Variants in TENM1 observed in about 807,000 individuals in gnomAD.
TENM1 encodes the protein teneurin transmembrane protein 1.
In TENM1, 35 loss-of-function variants were observed where a neutral mutation model predicts 174.8. The ratio of observed to expected loss-of-function variants is 0.20; its 90% confidence interval spans 0.15 to 0.27. The LOEUF is 0.27. TENM1 is among the 10% of genes least tolerant of loss of function. TENM1 has a pLI of 1.00. For missense variants in TENM1, 1,633 were observed against 2,130.1 expected, an observed-to-expected ratio of 0.77 and a Z score of 4.59; for synonymous variants, 781 against 798.7, an observed-to-expected ratio of 0.98 and a Z score of 0.37.
At chrX:124,594,289 T>C (rs2049836130) in intron 11 of TENM1, among the ~76,000 whole-genome samples, 1 of 111,367 alleles carries the variant, frequency 9.0e-6, no homozygotes, top group African/African-American at 3.3e-5. Flanking sequence ...GGATCTGGAG[T>C]GTCCTTCACA....
intron 22 of TENM1, among the ~76,000 whole-genome samples, chrX:124,459,976 A>G (rs2061151059): frequency 1.8e-5 from 2 of 112,582 alleles, no homozygotes; most frequent in African/African-American, 6.5e-5. Flanking sequence ...GCATATGAAA[A>G]AAAGCTCAAC....
chrX:124,580,908 T>C (rs1385029681), intron 11 of TENM1, among the ~76,000 whole-genome samples: 3 of 109,648 alleles, frequency 2.7e-5, no homozygotes, highest in Non-Finnish European at 5.7e-5. Context: ...CCAGTGTCTT[T>C]TGTTGCCATC....
At chrX:124,799,612 T>C (rs2055393281) in intron 3 of TENM1, among the ~76,000 whole-genome samples, 1 of 111,595 alleles carries the variant, frequency 9.0e-6, no homozygotes, top group South Asian at 3.7e-4. Context: ...TTTTGCCTGA[T>C]TACCCTGCCA....
At chrX:124,708,672 C>A (rs1163683146) in intron 4 of TENM1, among the ~76,000 whole-genome samples, 1 of 110,487 alleles carries the variant, frequency 9.1e-6, no homozygotes, top group Non-Finnish European at 1.9e-5. Context: ...CAGATATTAC[C>A]AAGCAAAAAA....
the TENM1 span, among the ~76,000 whole-genome samples, chrX:125,129,859 A>C: frequency 9.0e-6 from 1 of 111,509 alleles, no homozygotes; most frequent in Admixed American, 9.6e-5. Context: ...ATGGACACTT[A>C]GGTTGCTTCC....
chrX:124,574,152 T>C (rs1346700565), intron 11 of TENM1, among the ~76,000 whole-genome samples: 1 of 112,130 alleles, frequency 8.9e-6, no homozygotes, highest in Non-Finnish European at 1.9e-5. Flanking sequence ...TAAGTTTCTT[T>C]ATGCATGTCA....
At chrX:124,869,062 CAAAA>C (rs146594515) in intron 3 of TENM1, among the ~76,000 whole-genome samples, 1 of 52,798 alleles carries the variant, frequency 1.9e-5, no homozygotes, top group Non-Finnish European at 3.7e-5. Flanking sequence ...CCGTCTCTAC[CAAAA>C]AAAAAAAAAA....
intron 23 of TENM1, among the ~76,000 whole-genome samples, chrX:124,432,488 A>C (rs1324793266): frequency 8.9e-6 from 1 of 112,040 alleles, no homozygotes; most frequent in African/African-American, 3.2e-5. Flanking sequence ...AGCTCACTGC[A>C]ACCTCTGCCT....
intron 23 of TENM1, among the ~76,000 whole-genome samples, chrX:124,434,062 G>T (rs1428154643): frequency 8.9e-6 from 1 of 111,866 alleles, no homozygotes; most frequent in Non-Finnish European, 1.9e-5. Flanking sequence ...AATATTATGT[G>T]CATTTTGTAC....
chrX:125,066,306 G>C, the TENM1 span, among the ~76,000 whole-genome samples: 3 of 111,564 alleles, frequency 2.7e-5, no homozygotes, highest in African/African-American at 9.8e-5. Flanking sequence ...TACTTCCCTA[G>C]TTCTATCTAC....
At chrX:124,811,678 G>A (rs1232837858) in intron 3 of TENM1, among the ~76,000 whole-genome samples, 1 of 108,871 alleles carries the variant, frequency 9.2e-6, no homozygotes, top group African/African-American at 3.3e-5. Flanking sequence ...ATATCCAAGG[G>A]AAATAAAATC....
intron 3 of TENM1, among the ~76,000 whole-genome samples, chrX:124,767,144 C>T (rs186030841): frequency 2.7e-5 from 3 of 111,622 alleles, no homozygotes; most frequent in African/African-American, 6.5e-5. Flanking sequence ...CTGTATTATA[C>T]ATGCTTCCTT....
In TENM1 at chrX:124,436,579, C is replaced by T. The variant is rs760928765; in HGVS notation, c.4105-13941G>A. Reference sequence around the variant, plus strand: ...CATGATCCCAGCTCACTGCAAGCTCCGCTTCCCAGGTTCATGCCATTCTCC... The same window carrying T: ...CATGATCCCAGCTCACTGCAAGCTCTGCTTCCCAGGTTCATGCCATTCTCC... On this transcript the variant is annotated intron_variant, in intron 23 of 31. Transcript: ENST00000422452. Among the ~76,000 whole-genome samples, 13 of 109,652 alleles carry T rather than the reference C, an allele frequency of 1.2e-4. No homozygotes were observed. In the South Asian group the frequency reaches 2.0e-3, roughly 17 times the overall value.
chrX:124,487,389 A>C (rs1014192091), intron 20 of TENM1, among the ~76,000 whole-genome samples, 160 bp from the exon 24 acceptor site: 5 of 112,224 alleles, frequency 4.5e-5, no homozygotes, highest in African/African-American at 1.6e-4. Flanking sequence ...GTGCAAGCCA[A>C]AGTTGATCCA....
intron 5 of TENM1, among the ~76,000 whole-genome samples, chrX:124,683,362 A>G (rs1404259424): frequency 8.9e-6 from 1 of 112,062 alleles, no homozygotes; most frequent in Non-Finnish European, 1.9e-5. Flanking sequence ...TCTTCTTTTC[A>G]ATGACATTTA....
chrX:124,598,941 G>C (rs757206731), intron 11 of TENM1, among the ~76,000 whole-genome samples: 1 of 112,054 alleles, frequency 8.9e-6, no homozygotes, highest in Non-Finnish European at 1.9e-5. Flanking sequence ...ATAAATGCTT[G>C]AGATAATGGA....
chrX:124,416,721 C>T (rs1443571821), intron 25 of TENM1, among the ~76,000 whole-genome samples: 1 of 111,587 alleles, frequency 9.0e-6, no homozygotes, highest in East Asian at 2.8e-4. Context: ...CTGGAATCAC[C>T]TGTTTTATTT....
chrX:125,166,627 T>C, the TENM1 span, among the ~76,000 whole-genome samples: 1 of 111,841 alleles, frequency 8.9e-6, no homozygotes, highest in African/African-American at 3.2e-5. Flanking sequence ...ATGTGAAGAC[T>C]GGTATATCTT....
intron 3 of TENM1, among the ~76,000 whole-genome samples, chrX:124,856,046 A>G (rs1358977056): frequency 9.1e-6 from 1 of 109,983 alleles, no homozygotes; most frequent in Non-Finnish European, 1.9e-5. Context: ...GTTTTTTTTT[A>G]ATAGGTCACC....
Sources: allele counts gnomAD v4.1 joint callset (sites outside exome capture counted in the v4.1 genomes callset), GRCh38; gene constraint gnomAD v4.1.1; transcripts MANE v1.5; gene names NCBI Gene and HGNC (gene_info 2026-07-23, HGNC 2026-07-21).